The following ANXA4 variants were observed in gnomAD, a reference collection of about 807,000 sequenced individuals.
ANXA4 encodes 35-beta calcimedin.
A neutral mutation model predicts 49.8 loss-of-function variants in ANXA4; 39 were observed. The observed-to-expected ratio is 0.78, with a 90% confidence interval of 0.61 to 1.02. The LOEUF (loss-of-function observed/expected upper bound fraction) is 1.02, where lower values mean the gene tolerates loss of function less well. Ranked by LOEUF, ANXA4 falls within the 50% of genes least tolerant of loss-of-function variation. The pLI is 0.00. For missense variants in ANXA4, 360 were observed against 410.1 expected, an observed-to-expected ratio of 0.88 and a Z score of 1.05; for synonymous variants, 134 against 152.5, an observed-to-expected ratio of 0.88 and a Z score of 0.89.
At position 69,718,929 on chromosome 2, in the gene ANXA4, G is replaced by A. The variant is rs147102251; in HGVS notation, n.767-1845G>A. Among the ~76,000 whole-genome samples the A allele has an allele frequency of 3.5e-3, 528 of 151,534 alleles. 2 individuals are homozygous for A. Among genetic ancestry groups the A allele is most frequent in the Non-Finnish European group, 5.7e-3 (388 of 67,970 alleles). ...CATGGCCTCTGCTTGTCCTTCCAGA[G>A]TCTCTTATAAAGCTTTTCCTGATAT... On this transcript the variant is annotated intron_variant and non_coding_transcript_variant, in intron 2 of 3. Transcript: ENST00000418066.
chr2:69,801,448 G>A (rs1243901027), intron 3 of ANXA4, among the ~76,000 whole-genome samples: 1 of 151,536 alleles, frequency 6.6e-6, no homozygotes, highest in Non-Finnish European at 1.5e-5. Context: ...TGTCACTCAG[G>A]CTGTGGCATG....
chr2:69,793,552 A>G lies in ANXA4; in HGVS notation c.97+5411A>G, dbSNP rs72906915. 7.4e-3 allele frequency among the ~76,000 whole-genome samples: 1,120 copies of G among 152,276 alleles called. 19 individuals carry two copies. The highest frequency in any genetic ancestry group is 0.026 in the African/African-American group (1,067 of 41,546). On this transcript the variant is annotated intron_variant, in intron 3 of 12. Coordinates refer to ENST00000394295, the MANE Select transcript of ANXA4 (RefSeq NM_001153.5). ...CCACACAAACAGAAGAAGATCCAGC[A>G]GTTATAAGATTTTGCATTTGCCAAT...
intron 2 of ANXA4, among the ~76,000 whole-genome samples, chr2:69,696,558 A>T (rs531102184): frequency 3.0e-4 from 46 of 152,332 alleles, no homozygotes; most frequent in African/African-American, 1.0e-3. Flanking sequence ...ATAACATCTA[A>T]AATGGTGAAT....
chr2:69,791,510 T>C (rs551929188), intron 3 of ANXA4, among the ~76,000 whole-genome samples: 1 of 152,350 alleles, frequency 6.6e-6, no homozygotes, highest in South Asian at 2.1e-4. Context: ...ACTTTGCCTA[T>C]AGTAGTACAC....
intron 3 of ANXA4, among the ~76,000 whole-genome samples, chr2:69,733,652 G>T (rs1411767062): frequency 6.6e-6 from 1 of 151,560 alleles, no homozygotes; most frequent in Non-Finnish European, 1.5e-5. Context: ...AGAAAATAAG[G>T]TGTTTTCTGT....
chr2:69,694,028 G>T (rs1026898277), intron 2 of ANXA4, among the ~76,000 whole-genome samples: 2 of 152,056 alleles, frequency 1.3e-5, no homozygotes, highest in Non-Finnish European at 2.9e-5. Flanking sequence ...TAAAAAGTTG[G>T]TCTCCCTATT....
At chr2:69,822,919 T>TA (rs1156303333) in intron 12 of ANXA4, among the ~76,000 whole-genome samples, 8 of 151,474 alleles carry the variant, frequency 5.3e-5, no homozygotes, top group African/African-American at 1.7e-4. Context: ...TATATATATA[T>TA]TTTTTTACCA....
intron 8 of ANXA4, 70 bp downstream of exon 8, chr2:69,812,779 G>A: frequency 7.5e-7 from 1 of 1,328,768 alleles, no homozygotes; most frequent in South Asian, 1.2e-5. Flanking sequence ...CTTAGTGGGT[G>A]GATAGCAACT....
intron 1 of ANXA4, among the ~76,000 whole-genome samples, chr2:69,772,706 T>C (rs1230752070): frequency 1.3e-5 from 2 of 152,148 alleles, no homozygotes; most frequent in African/African-American, 2.4e-5. Context: ...TCTGCATTTA[T>C]TTGTATATTC....
At chr2:69,715,755 T>G (rs1678861031) in intron 2 of ANXA4, among the ~76,000 whole-genome samples, 1 of 152,240 alleles carries the variant, frequency 6.6e-6, no homozygotes, top group African/African-American at 2.4e-5. Context: ...TCTGTGCCTA[T>G]GCACAGAGGG....
chr2:69,758,369 C>A (rs1365148563), intron 1 of ANXA4, among the ~76,000 whole-genome samples: 2 of 152,350 alleles, frequency 1.3e-5, no homozygotes, highest in African/African-American at 4.8e-5. Flanking sequence ...ATAAGCCCAG[C>A]ACTTTGGGAG....
chr2:69,651,730 C>T (rs1222161292), intron 1 of ANXA4, among the ~76,000 whole-genome samples: 2 of 150,216 alleles, frequency 1.3e-5, no homozygotes, highest in Non-Finnish European at 1.5e-5. Context: ...TCTCAATCTC[C>T]TGACGTCGTG....
chr2:69,662,227 C>T (rs547512315), intron 2 of ANXA4, among the ~76,000 whole-genome samples: 1 of 152,278 alleles, frequency 6.6e-6, no homozygotes, highest in African/African-American at 2.4e-5. Context: ...TCTACACATG[C>T]CCCTTCACAT....
At chr2:69,741,320 C>A (rs533541283), upstream of ANXA4, among the ~76,000 whole-genome samples, 1 of 152,184 alleles carries the variant, frequency 6.6e-6, no homozygotes, top group Non-Finnish European at 1.5e-5. Flanking sequence ...GACGACCTAG[C>A]CCTAGTTGGT....
At chr2:69,726,521 A>T (rs1669967433) in intron 3 of ANXA4, among the ~76,000 whole-genome samples, 1 of 152,222 alleles carries the variant, frequency 6.6e-6, no homozygotes, top group Non-Finnish European at 1.5e-5. Context: ...CTTCTTTAAT[A>T]TAAACTTTTA....
At chr2:69,711,205 C>G (rs544307318) in intron 2 of ANXA4, among the ~76,000 whole-genome samples, 29 of 152,262 alleles carry the variant, frequency 1.9e-4, no homozygotes, top group African/African-American at 6.5e-4. Context: ...TGACACACAC[C>G]TGTAATTCCA....
chr2:69,652,149 A>G (rs1676276302), intron 1 of ANXA4, among the ~76,000 whole-genome samples: 1 of 152,130 alleles, frequency 6.6e-6, no homozygotes, highest in African/African-American at 2.4e-5. Flanking sequence ...AGAAGCCGGG[A>G]CTACAGGCCT....
intron 2 of ANXA4, among the ~76,000 whole-genome samples, chr2:69,677,412 T>C (rs1270994190): frequency 1.3e-5 from 2 of 151,960 alleles, no homozygotes; most frequent in African/African-American, 4.8e-5. Flanking sequence ...GAATTTTTAG[T>C]AGAGACAGGG....
At position 69,762,779 on chromosome 2, in the gene ANXA4, G is replaced by T. The variant is rs970799185; in HGVS notation, c.-46-18741G>T. 4.6e-5 allele frequency among the ~76,000 whole-genome samples: 7 copies of T among 152,138 alleles called. No individual in the cohort carries two copies. In the South Asian group the frequency reaches 1.5e-3, roughly 32 times the overall value. ...ACAGCTCCTCACCTCAGGGTAGGGT[G>T]TTCTGAATAGATCCCCACATCAGAC... On this transcript the variant is annotated intron_variant, in intron 1 of 12. Coordinates refer to ENST00000394295, the MANE Select transcript of ANXA4 (RefSeq NM_001153.5).
Sources: allele counts gnomAD v4.1 joint callset (sites outside exome capture counted in the v4.1 genomes callset), GRCh38; gene constraint gnomAD v4.1.1; transcripts MANE v1.5; gene names NCBI Gene and HGNC (gene_info 2026-07-23, HGNC 2026-07-21).